The following CHP1 variants were observed in gnomAD, a reference collection of about 807,000 sequenced individuals.
The protein encoded by CHP1 is calcineurin like EF-hand protein 1.
Under a neutral mutation model 27.4 loss-of-function variants are expected in CHP1, and 11 were observed. The ratio of observed to expected loss-of-function variants is 0.40; its 90% CI spans 0.25 to 0.67. CHP1 has a LOEUF of 0.67. Ranked by LOEUF, CHP1 falls within the 30% of genes least tolerant of loss-of-function variation. The pLI, the probability that CHP1 is intolerant of heterozygous loss-of-function variation, is 0.38. For missense variants in CHP1, 169 were observed against 251.3 expected, an observed-to-expected ratio of 0.67 and a Z score of 2.22; for synonymous variants, 89 against 87.4, an observed-to-expected ratio of 1.02 and a Z score of -0.10.
At chr15:41,251,707 G>A (rs1231810369) in intron 2 of CHP1, among the ~76,000 whole-genome samples, 2 of 152,100 alleles carry the variant, frequency 1.3e-5, no homozygotes, top group South Asian at 2.1e-4. Context: ...GTTGAACAGT[G>A]TCATCCTGAA....
At chr15:41,241,796 C>T (rs1411708300) in intron 1 of CHP1, among the ~76,000 whole-genome samples, 2 of 152,198 alleles carry the variant, frequency 1.3e-5, no homozygotes, top group Non-Finnish European at 2.9e-5. Flanking sequence ...TTCACTTTGT[C>T]CCATTGTTCC....
intron 4 of CHP1, among the ~76,000 whole-genome samples, chr15:41,266,274 A>G (rs2047460002): frequency 1.3e-5 from 2 of 152,158 alleles, no homozygotes; most frequent in Middle Eastern, 6.8e-3. Flanking sequence ...TAAGAGTGAA[A>G]CTCCATCTCA....
rs1442413878 is a variant in CHP1 at position 41,262,938 on chromosome 15, C to T, written c.349+55C>T. On this transcript the variant is annotated intron_variant, in intron 4 of 6. Coordinates refer to ENST00000334660, the MANE Select transcript of CHP1 (RefSeq NM_007236.5). ...TACTTGCTTTTCATTTCTTAAAAGT[C>T]ATGTATTTACTCACTCATTATTTGA... 3.1e-6 allele frequency: 5 copies of T among 1,598,314 alleles called. No individual in the cohort carries two copies. In the East Asian group the frequency reaches 1.1e-4, roughly 36 times the overall value.
intron 2 of CHP1, among the ~76,000 whole-genome samples, chr15:41,246,844 C>T (rs1307306564): frequency 6.6e-6 from 1 of 150,618 alleles, no homozygotes; most frequent in African/African-American, 2.4e-5. Context: ...GGCGAGATCA[C>T]GCTACTGCAC....
At chr15:41,270,483 C>T (rs1441704064) in intron 4 of CHP1, 74 bp from the exon 5 acceptor site, 3 of 1,104,230 alleles carry the variant, frequency 2.7e-6, no homozygotes, top group Non-Finnish European at 4.2e-6. Context: ...TGTCTAGTGT[C>T]TTATATATTT....
chr15:41,236,037 T>C (rs1328963323), intron 1 of CHP1, among the ~76,000 whole-genome samples: 2 of 152,110 alleles, frequency 1.3e-5, no homozygotes, highest in Non-Finnish European at 2.9e-5. Flanking sequence ...AAGCAACTAT[T>C]TGTCAATTAG....
intron 2 of CHP1, among the ~76,000 whole-genome samples, chr15:41,247,005 A>T (rs2047338533): frequency 7.5e-6 from 1 of 133,462 alleles, no homozygotes; most frequent in African/African-American, 3.0e-5. Context: ...ACAGAGCGAG[A>T]CTCTGTCTCA....
intron 4 of CHP1, among the ~76,000 whole-genome samples, chr15:41,267,929 TAA>T (rs57565577): frequency 3.2e-4 from 37 of 117,184 alleles, no homozygotes; most frequent in Admixed American, 3.7e-4. Flanking sequence ...CCCTATCTCT[TAA>T]AAAAAAAAAA....
At chr15:41,264,727 G>A (rs1450807330) in intron 4 of CHP1, among the ~76,000 whole-genome samples, 4 of 152,284 alleles carry the variant, frequency 2.6e-5, no homozygotes, top group African/African-American at 7.2e-5. Flanking sequence ...TTACAGGCAT[G>A]AGCCTCCATA....
intron 1 of CHP1, among the ~76,000 whole-genome samples, chr15:41,237,399 C>T (rs2047282898): frequency 6.6e-6 from 1 of 152,216 alleles, no homozygotes; most frequent in South Asian, 2.1e-4. Flanking sequence ...CTGCCTGCCT[C>T]AGCCTCCCAA....
At chr15:41,278,597 C>G (rs1201675685) in intron 5 of CHP1, among the ~76,000 whole-genome samples, 170 bp from the exon 6 acceptor site, 4 of 152,138 alleles carry the variant, frequency 2.6e-5, no homozygotes, top group Admixed American at 1.3e-4. Flanking sequence ...TCTTATAGCA[C>G]CACCATTATA....
chr15:41,247,950 C>G (rs2047344410), intron 2 of CHP1, among the ~76,000 whole-genome samples: 1 of 151,794 alleles, frequency 6.6e-6, no homozygotes, highest in African/African-American at 2.4e-5. Context: ...GCCTGGGCGA[C>G]AGAGCAAGAC....
chr15:41,260,075 A>G (rs1372116756), intron 3 of CHP1, among the ~76,000 whole-genome samples: 1 of 152,022 alleles, frequency 6.6e-6, no homozygotes. Flanking sequence ...TAGCCTTTGA[A>G]CTCTGCCTTT....
At chr15:41,269,367 G>A (rs773179407) in intron 4 of CHP1, among the ~76,000 whole-genome samples, 1 of 152,030 alleles carries the variant, frequency 6.6e-6, no homozygotes, top group Non-Finnish European at 1.5e-5. Context: ...TGTCATCTTA[G>A]TGGACTCACC....
rs146565062 is a variant in CHP1, at chr15:41,243,553, A to G, written c.68-114A>G. On this transcript the variant is annotated intron_variant, in intron 1 of 6. Transcript: ENST00000334660. ...CTTTCTGCTTTAACATTCTAGAGAT[A>G]AGAGTTTCGACATCCCAGTCCTACT... The G allele has an allele frequency of 7.8e-4, 540 of 691,120 alleles. 1 individual carries two copies. In the East Asian group the frequency reaches 0.01, roughly 13 times the overall value. 42.8% of individuals were successfully genotyped at this position (691,120 alleles called of 1,614,324 possible). A position where few individuals can be genotyped will look rare whatever the true frequency, so the allele number is the denominator to read the frequency against.
At chr15:41,252,843 G>A (rs2047376855) in intron 2 of CHP1, among the ~76,000 whole-genome samples, 1 of 151,114 alleles carries the variant, frequency 6.6e-6, no homozygotes, top group South Asian at 2.1e-4. Context: ...AATCTTCAAG[G>A]AAGGTTTTCC....
At chr15:41,249,983 T>C (rs1216327698) in intron 2 of CHP1, among the ~76,000 whole-genome samples, 2 of 151,704 alleles carry the variant, frequency 1.3e-5, no homozygotes, top group African/African-American at 4.8e-5. Flanking sequence ...GGCAGAACTG[T>C]GGAAGGCTTT....
chr15:41,239,651 C>T (rs116334027), intron 1 of CHP1, among the ~76,000 whole-genome samples: 4,710 of 152,148 alleles, frequency 0.031, 265 homozygotes, highest in African/African-American at 0.11. Context: ...CCGCCCTCAG[C>T]CCCCCAAAGT....
rs894957080 is a variant in CHP1 at position 41,242,474 on chromosome 15, G to T, written c.68-1193G>T. Among the ~76,000 whole-genome samples, 69 of 152,066 alleles carry T rather than the reference G, an allele frequency of 4.5e-4. 2 individuals are homozygous for T. The highest frequency in any genetic ancestry group is 1.5e-5 in the Non-Finnish European group (1 of 68,014). On this transcript the variant is annotated intron_variant, in intron 1 of 6. Coordinates refer to ENST00000334660, the MANE Select transcript of CHP1 (RefSeq NM_007236.5). ...TTTCAATCAAAACATGCATTTTTTA[G>T]CTGGAACTGTGGCTCATGCCTGTAA...
Sources: gnomAD v4.1 joint callset for allele counts (sites outside exome capture counted in the v4.1 genomes callset) on GRCh38, gnomAD v4.1.1 for gene constraint, MANE v1.5 for transcripts, NCBI Gene and HGNC (gene_info 2026-07-23, HGNC 2026-07-21) for gene names.